Variants in PDIA6 observed in about 807,000 individuals in gnomAD.
The protein encoded by PDIA6 is protein disulfide isomerase family A member 6, also known as protein disulfide-isomerase A6.
Under a neutral mutation model 58.4 loss-of-function variants are expected in PDIA6, and 29 were observed. The ratio of observed to expected loss-of-function variants is 0.50; its 90% CI spans 0.37 to 0.68. The LOEUF (loss-of-function observed/expected upper bound fraction) is 0.68. Ranked by LOEUF, PDIA6 falls within the 30% of genes least tolerant of loss-of-function variation. The pLI is 0.00. For missense variants in PDIA6, 480 were observed against 551.0 expected (o/e 0.87, Z 1.29); for synonymous variants, 192 against 202.6 (o/e 0.95, Z 0.44).
chr2:10,806,632 A>AGACAGACAGACAGAC (rs1345997507), intron 1 of PDIA6, among the ~76,000 whole-genome samples: 7 of 121,234 alleles, frequency 5.8e-5, no homozygotes, highest in Non-Finnish European at 9.6e-5. Flanking sequence ...TAAAGACAGA[A>AGACAGACAGACAGAC]AGAAAGAAAG....
chr2:10,821,857 C>A (rs1300434846), intron 1 of PDIA6, among the ~76,000 whole-genome samples: 1 of 152,146 alleles, frequency 6.6e-6, no homozygotes, highest in Non-Finnish European at 1.5e-5. Context: ...CTCCTGGGCT[C>A]AAGTGATCCT....
chr2:10,789,134 T>G (rs1359528492), intron 8 of PDIA6, among the ~76,000 whole-genome samples, 153 bp from the exon 9 acceptor site: 2 of 152,202 alleles, frequency 1.3e-5, no homozygotes, highest in African/African-American at 4.8e-5. Flanking sequence ...AGGCATGTTC[T>G]CTAAGAGGAG....
At chr2:10,823,478 A>G (rs1462004303) in intron 1 of PDIA6, 1 of 152,264 alleles carries the variant, frequency 6.6e-6, no homozygotes, top group African/African-American at 2.4e-5. Flanking sequence ...ACACTTTGTC[A>G]TCTGTATCAA....
At chr2:10,796,996 G>T in intron 4 of PDIA6, 85 bp downstream of exon 4, 2 of 1,103,882 alleles carry the variant, frequency 1.8e-6, no homozygotes, top group Non-Finnish European at 2.8e-6. Flanking sequence ...TGAGAACCTT[G>T]CAGGTAGAGC....
chr2:10,786,407 G>C (rs75318934), intron 11 of PDIA6, among the ~76,000 whole-genome samples: 2,587 of 152,202 alleles, frequency 0.017, 37 homozygotes, highest in South Asian at 0.079. Context: ...GCCCCCCGCC[G>C]GCAGAGGCTG....
rs201125427 is a variant in PDIA6, at chr2:10,818,477, A to AT, written c.34+796dup. On this transcript the variant is annotated intron_variant, in intron 2 of 13. Transcript: ENST00000381611. ...CCACTGTGCCCAGCTCACTTTAACCATTTAATTTATTTATTTATTTATTTA... is the reference window on the plus strand; with the variant it reads ...CCACTGTGCCCAGCTCACTTTAACCATTTTAATTTATTTATTTATTTATTTA... 2.6e-3 allele frequency among the ~76,000 whole-genome samples: 274 copies of AT among 103,538 alleles called. 1 individual carries two copies. Among genetic ancestry groups the AT allele is most frequent in the East Asian group, 3.5e-3 (11 of 3,138 alleles). The allele number at this position is 103,538 out of a possible 152,430, so 67.9% of individuals were successfully genotyped here.
At chr2:10,789,685 C>T in intron 8 of PDIA6, 64 bp downstream of exon 8, 2 of 1,473,834 alleles carry the variant, frequency 1.4e-6, no homozygotes, top group Non-Finnish European at 1.9e-6. Flanking sequence ...TGTCACACTG[C>T]TTTAACATTC....
rs754426422 is a variant in PDIA6 at position 10,789,930 on chromosome 2, T to A, written c.700-41A>T. The A allele has an allele frequency of 1.3e-6, 2 of 1,537,172 alleles. No individual in the cohort carries two copies. The highest frequency in any genetic ancestry group is 1.8e-6 in the Non-Finnish European group (2 of 1,117,288). ...CAGAGGATAAAATCCAATTAACACT[T>A]AATGCAAAATAACACAATCTTTACA... On this transcript the variant is annotated intron_variant, in intron 7 of 12. Coordinates refer to ENST00000272227, the MANE Select transcript of PDIA6 (RefSeq NM_005742.4).
chr2:10,812,654 C>T, intron 1 of PDIA6, 24 bp downstream of exon 1: 1 of 1,524,544 alleles, frequency 6.6e-7, no homozygotes, highest in Non-Finnish European at 8.8e-7. Flanking sequence ...GCTCGCCCGC[C>T]TCCCTCCGCT....
intron 1 of PDIA6, among the ~76,000 whole-genome samples, chr2:10,824,781 A>G (rs1667502479): frequency 6.6e-6 from 1 of 152,248 alleles, no homozygotes; most frequent in African/African-American, 2.4e-5. Flanking sequence ...TTATTGAAAT[A>G]TGAAATCATC....
At chr2:10,809,357 A>G (rs1558454232) in intron 1 of PDIA6, among the ~76,000 whole-genome samples, 2 of 152,200 alleles carry the variant, frequency 1.3e-5, no homozygotes, top group Non-Finnish European at 2.9e-5. Context: ...ATAAGCACTG[A>G]CAGTCCTAAC....
chr2:10,820,471 C>A (rs1420635847), intron 1 of PDIA6, among the ~76,000 whole-genome samples: 2 of 152,144 alleles, frequency 1.3e-5, no homozygotes, highest in Non-Finnish European at 1.5e-5. Context: ...ATGGAGCTTC[C>A]ATGGTGGACA....
At chr2:10,819,402 C>T (rs1188398163) in intron 1 of PDIA6, 4 of 1,103,184 alleles carry the variant, frequency 3.6e-6, no homozygotes, top group East Asian at 2.6e-5. Context: ...GATGGGGAAA[C>T]TATTACCGAA....
intron 4 of PDIA6, among the ~76,000 whole-genome samples, chr2:10,795,087 A>C (rs574291275): frequency 6.6e-6 from 1 of 152,180 alleles, no homozygotes; most frequent in Non-Finnish European, 1.5e-5. Context: ...CTCCTTATCT[A>C]TGTCAGGTAT....
chr2:10,792,340 T>G (rs1666073942), intron 5 of PDIA6, among the ~76,000 whole-genome samples: 1 of 152,218 alleles, frequency 6.6e-6, no homozygotes, highest in Admixed American at 6.5e-5. Flanking sequence ...AAATAACACT[T>G]AATCCTTTTC....
At chr2:10,823,946 G>A (rs963423952) in intron 1 of PDIA6, among the ~76,000 whole-genome samples, 1 of 151,936 alleles carries the variant, frequency 6.6e-6, no homozygotes, top group African/African-American at 2.4e-5. Context: ...CAACCCTGAA[G>A]GCCCTTCCCA....
chr2:10,784,115 T>C lies in PDIA6; in HGVS notation c.*143A>G, dbSNP rs1293904064. 10 of 508,436 alleles carry C rather than the reference T, an allele frequency of 2.0e-5. No homozygotes were observed. Among genetic ancestry groups the C allele is most frequent in the Non-Finnish European group, 3.4e-5 (10 of 290,418 alleles). 31.5% of individuals were successfully genotyped at this position (508,436 alleles called of 1,614,324 possible). A position where few individuals can be genotyped will look rare whatever the true frequency, so the allele number is the denominator to read the frequency against. ...GATGCAAAAGTTCACTGTTGCAGTG[T>C]TTTCAAATGACCAATCAAGTACTAC... On this transcript the variant is annotated 3_prime_UTR_variant, in exon 13 of 13. Transcript: ENST00000272227.
intron 4 of PDIA6, among the ~76,000 whole-genome samples, chr2:10,794,468 CTTTTTTTTTTT>C (rs76574229): frequency 0.032 from 4,111 of 128,720 alleles, 240 homozygotes; most frequent in African/African-American, 0.12. Context: ...AAAAATCTTT[CTTTTTTTTTTT>C]TTTTTTTTTT....
intron 1 of PDIA6, among the ~76,000 whole-genome samples, chr2:10,822,053 C>T (rs1667412440): frequency 6.6e-6 from 1 of 151,952 alleles, no homozygotes; most frequent in Non-Finnish European, 1.5e-5. Flanking sequence ...GATCCTCACA[C>T]CTCAGCCTCC....
Sources: allele counts gnomAD v4.1 joint callset (sites outside exome capture counted in the v4.1 genomes callset), GRCh38; gene constraint gnomAD v4.1.1; transcripts MANE v1.5; gene names NCBI Gene and HGNC (gene_info 2026-07-23, HGNC 2026-07-21).